CYP7B1: variants seen among roughly 807,000 people sequenced by gnomAD.
CYP7B1 encodes the protein cytochrome P450 7B1.
A neutral mutation model predicts 42.7 loss-of-function variants in CYP7B1; 29 were observed. The observed-to-expected ratio is 0.68, with a 90% CI of 0.51 to 0.93. The LOEUF (loss-of-function observed/expected upper bound fraction) is 0.93. CYP7B1 is among the 40% of genes least tolerant of loss of function. The probability of loss-of-function intolerance (pLI) is 0.00; values close to 1 mark genes in which losing one functional copy is unlikely to be tolerated. For missense variants in CYP7B1, 655 were observed against 600.5 expected, an observed-to-expected ratio of 1.09 and a Z score of -0.95; for synonymous variants, 235 against 218.2, an observed-to-expected ratio of 1.08 and a Z score of -0.68.
chr8:64,629,932 C>T (rs140818108), intron 1 of CYP7B1, among the ~76,000 whole-genome samples: 2 of 152,194 alleles, frequency 1.3e-5, no homozygotes, highest in African/African-American at 4.8e-5. Flanking sequence ...AGACCAGAAG[C>T]CCCAGTGAGA....
intron 1 of CYP7B1, among the ~76,000 whole-genome samples, chr8:64,726,170 G>A (rs1807321366): frequency 6.6e-6 from 1 of 151,700 alleles, no homozygotes; most frequent in South Asian, 2.1e-4. Flanking sequence ...CTACCCCTCT[G>A]ATCTTTAAAA....
intron 1 of CYP7B1, among the ~76,000 whole-genome samples, chr8:64,651,624 T>C (rs1036686244): frequency 1.3e-5 from 2 of 152,128 alleles, no homozygotes; most frequent in African/African-American, 2.4e-5. Context: ...CTTTGGAAGG[T>C]GATTAGGTCA....
intron 1 of CYP7B1, among the ~76,000 whole-genome samples, chr8:64,750,302 C>CA (rs1445680909): frequency 6.6e-6 from 1 of 152,170 alleles, no homozygotes; most frequent in Non-Finnish European, 1.5e-5. Context: ...TGGCAACCAA[C>CA]AGGATCTAGA....
At chr8:64,669,736 CACACACACACAT>C in intron 1 of CYP7B1, among the ~76,000 whole-genome samples, 1 of 152,092 alleles carries the variant, frequency 6.6e-6, no homozygotes, top group Middle Eastern at 3.4e-3. Context: ...TACACACACA[CACACACACACAT>C]ACACACACCC....
chr8:64,660,346 G>A (rs1474261536), intron 1 of CYP7B1, among the ~76,000 whole-genome samples: 1 of 152,142 alleles, frequency 6.6e-6, no homozygotes, highest in Non-Finnish European at 1.5e-5. Flanking sequence ...ATTATCTCAT[G>A]ACGTCTGTGT....
intron 1 of CYP7B1, among the ~76,000 whole-genome samples, chr8:64,781,976 T>G (rs1291601381): frequency 6.6e-6 from 1 of 152,132 alleles, no homozygotes; most frequent in Non-Finnish European, 1.5e-5. Flanking sequence ...AATGAGACAA[T>G]AGATGCAAAA....
intron 1 of CYP7B1, among the ~76,000 whole-genome samples, chr8:64,780,682 C>G (rs965175045): frequency 1.3e-5 from 2 of 152,164 alleles, no homozygotes; most frequent in Admixed American, 1.3e-4. Context: ...TTTCACAGAA[C>G]AGTAACCTGG....
At position 64,699,411 on chromosome 8, in the gene CYP7B1, A is replaced by G. The variant is rs376244587; in HGVS notation, c.123-74872T>C. On this transcript the variant is annotated intron_variant, in intron 1 of 5. Transcript: ENST00000310193. ...TGAAAAAATTTTCTTGGTGTACAGT[A>G]TGATCATCCAAATGTTCCAAAAATA... Among the ~76,000 whole-genome samples, 3 of 152,118 alleles carry G rather than the reference A, an allele frequency of 2.0e-5. No individual in the cohort carries two copies. The South Asian group carries it at 6.2e-4, about 32-fold the overall frequency.
intron 1 of CYP7B1, among the ~76,000 whole-genome samples, chr8:64,693,903 T>C (rs1332420962): frequency 2.6e-5 from 4 of 152,180 alleles, no homozygotes; most frequent in African/African-American, 9.6e-5. Flanking sequence ...AACTGAAGTC[T>C]AAAGTGATTT....
Position 64,667,309 on chromosome 8 carries a change from C to T in CYP7B1, c.123-42770G>A, listed in dbSNP as rs1806295900. On this transcript the variant is annotated intron_variant, in intron 1 of 5. Coordinates refer to ENST00000310193, the MANE Select transcript of CYP7B1 (RefSeq NM_004820.5). ...AATTTGGCAGAATGACACATTCCCT[C>T]GGGGGGCTCATCCACCATATCAATC... is the stretch of plus-strand genomic sequence containing the variant. Among the ~76,000 whole-genome samples, 5 of 152,126 alleles carry T rather than the reference C, an allele frequency of 3.3e-5. No individual in the cohort carries two copies. The South Asian group carries it at 1.0e-3, about 32-fold the overall frequency.
intron 1 of CYP7B1, among the ~76,000 whole-genome samples, chr8:64,717,191 C>G (rs895738752): frequency 2.6e-5 from 4 of 151,858 alleles, no homozygotes; most frequent in African/African-American, 9.7e-5. Flanking sequence ...CATTCTTTTA[C>G]TCTTTTTTTT....
intron 1 of CYP7B1, among the ~76,000 whole-genome samples, chr8:64,651,079 T>C (rs1333226141): frequency 6.6e-6 from 1 of 152,248 alleles, no homozygotes; most frequent in African/African-American, 2.4e-5. Context: ...ATCCACAGTG[T>C]ATTCTGATCA....
intron 1 of CYP7B1, among the ~76,000 whole-genome samples, chr8:64,685,196 C>T (rs1049585043): frequency 4.6e-5 from 7 of 151,902 alleles, no homozygotes; most frequent in Non-Finnish European, 8.8e-5. Context: ...GCTGGAGGAG[C>T]GGACGGGCCC....
chr8:64,622,410 AG>A (rs1805544391), intron 2 of CYP7B1, among the ~76,000 whole-genome samples: 1 of 152,206 alleles, frequency 6.6e-6, no homozygotes, highest in Non-Finnish European at 1.5e-5. Flanking sequence ...AAGAACTAGA[AG>A]GGGGAGTATA....
At chr8:64,757,787 C>T (rs1409581477) in intron 1 of CYP7B1, among the ~76,000 whole-genome samples, 4 of 152,224 alleles carry the variant, frequency 2.6e-5, no homozygotes, top group Non-Finnish European at 5.9e-5. Context: ...TGAATACTCA[C>T]ACATGTGACT....
intron 1 of CYP7B1, among the ~76,000 whole-genome samples, chr8:64,783,633 A>C (rs1406767525): frequency 6.6e-6 from 1 of 151,924 alleles, no homozygotes; most frequent in Non-Finnish European, 1.5e-5. Flanking sequence ...ACTGTCCTCT[A>C]AGCTTTCAAA....
At chr8:64,746,821 G>A (rs1035723084) in intron 1 of CYP7B1, among the ~76,000 whole-genome samples, 1 of 151,948 alleles carries the variant, frequency 6.6e-6, no homozygotes, top group African/African-American at 2.4e-5. Flanking sequence ...ATACAAAGGA[G>A]ATTAAAAGAA....
intron 1 of CYP7B1, among the ~76,000 whole-genome samples, chr8:64,748,466 T>C (rs1807679407): frequency 6.6e-6 from 1 of 152,198 alleles, no homozygotes; most frequent in Non-Finnish European, 1.5e-5. Flanking sequence ...AGAATTTGAA[T>C]CTGCTGATCA....
chr8:64,768,103 G>A (rs565546045), intron 1 of CYP7B1, among the ~76,000 whole-genome samples: 15 of 152,240 alleles, frequency 9.9e-5, no homozygotes, highest in Non-Finnish European at 1.6e-4. Context: ...GAAGGTGACC[G>A]CATCTACCTT....
Sources: gnomAD v4.1 joint callset for allele counts (sites outside exome capture counted in the v4.1 genomes callset) on GRCh38, gnomAD v4.1.1 for gene constraint, MANE v1.5 for transcripts, NCBI Gene and HGNC (gene_info 2026-07-23, HGNC 2026-07-21) for gene names.